GALNTL6: variants seen among roughly 807,000 people sequenced by gnomAD.
The protein encoded by GALNTL6 is polypeptide N-acetylgalactosaminyltransferase-like 6.
GALNTL6 carries 46 observed loss-of-function variants against 73.7 expected under a neutral mutation model. That is an observed-to-expected ratio of 0.62 (90% CI 0.49 to 0.80). The LOEUF (loss-of-function observed/expected upper bound fraction) is 0.80, where lower values mean the gene tolerates loss of function less well. Among genes scored for constraint, GALNTL6 ranks in the 30% least tolerant of loss-of-function variants. The pLI is 0.00. For synonymous variants in GALNTL6, 259 were observed against 263.7 expected, an observed-to-expected ratio of 0.98 and a Z score of 0.17; for missense variants, 604 against 755.0, an observed-to-expected ratio of 0.80 and a Z score of 2.34.
intron 5 of GALNTL6, among the ~76,000 whole-genome samples, chr4:172,389,503 A>C (rs1018761832): frequency 9.9e-5 from 15 of 152,220 alleles, no homozygotes; most frequent in African/African-American, 3.6e-4. Context: ...ATGTAAATAA[A>C]AGTTAAGTTG....
intron 2 of GALNTL6, among the ~76,000 whole-genome samples, chr4:171,915,534 T>G (rs1428941860): frequency 6.6e-6 from 1 of 152,076 alleles, no homozygotes; most frequent in Non-Finnish European, 1.5e-5. Context: ...ATCATCACAA[T>G]GAAAACTGAA....
chr4:171,822,756 C>T (rs567252119), intron 2 of GALNTL6, among the ~76,000 whole-genome samples: 1 of 152,200 alleles, frequency 6.6e-6, no homozygotes, highest in South Asian at 2.1e-4. Context: ...AACCATAAAC[C>T]TGTTTTCAAT....
intron 4 of GALNTL6, among the ~76,000 whole-genome samples, chr4:172,333,386 C>T (rs115375048): frequency 1.9e-3 from 282 of 151,976 alleles, no homozygotes; most frequent in African/African-American, 6.6e-3. Context: ...GCCTAGGCGA[C>T]AAAAGTGAAA....
chr4:172,062,234 A>G (rs11132925), intron 2 of GALNTL6, among the ~76,000 whole-genome samples: 56,174 of 151,956 alleles, frequency 0.37, 11,576 homozygotes, highest in Non-Finnish European at 0.46. Context: ...GATTACAGGC[A>G]TAAGCCACTA....
At chr4:172,097,030 C>G (rs562817901) in intron 2 of GALNTL6, among the ~76,000 whole-genome samples, 1 of 152,166 alleles carries the variant, frequency 6.6e-6, no homozygotes, top group Non-Finnish European at 1.5e-5. Flanking sequence ...CTGTTTTTTG[C>G]TCTGTATGTA....
intron 7 of GALNTL6, among the ~76,000 whole-genome samples, chr4:172,879,715 A>G (rs1745360871): frequency 6.6e-6 from 1 of 151,960 alleles, no homozygotes; most frequent in Non-Finnish European, 1.5e-5. Flanking sequence ...AATAACCAGG[A>G]AAGAAGAGCA....
chr4:172,328,047 G>A (rs908815020), intron 4 of GALNTL6, among the ~76,000 whole-genome samples: 1 of 151,880 alleles, frequency 6.6e-6, no homozygotes, highest in Non-Finnish European at 1.5e-5. Flanking sequence ...CATATTTAGT[G>A]CTCTTTTCAG....
chr4:171,899,277 G>A (rs897317614), intron 2 of GALNTL6, among the ~76,000 whole-genome samples: 6 of 151,984 alleles, frequency 3.9e-5, no homozygotes, highest in Non-Finnish European at 7.4e-5. Context: ...CTAATGACTA[G>A]TAGCGTTTAA....
At chr4:172,206,808 T>TG (rs200247012) in intron 2 of GALNTL6, among the ~76,000 whole-genome samples, 8,198 of 37,164 alleles carry the variant, frequency 0.22, 947 homozygotes, top group African/African-American at 0.26. Flanking sequence ...TTTTTCTGTT[T>TG]TTTTTGTTTG....
intron 5 of GALNTL6, among the ~76,000 whole-genome samples, chr4:172,561,216 G>A (rs1736348428): frequency 7.5e-6 from 1 of 133,786 alleles, no homozygotes; most frequent in Admixed American, 9.2e-5. Context: ...TTGCGCCACT[G>A]CAGTCCGCAG....
intron 2 of GALNTL6, among the ~76,000 whole-genome samples, chr4:171,991,241 G>A (rs1740323642): frequency 6.6e-6 from 1 of 152,132 alleles, no homozygotes. Flanking sequence ...ATTAGTGAAG[G>A]TTTTACAGAA....
chr4:172,908,918 T>G (rs1332326043), intron 8 of GALNTL6, among the ~76,000 whole-genome samples: 1 of 151,882 alleles, frequency 6.6e-6, no homozygotes, highest in Non-Finnish European at 1.5e-5. Context: ...AGCTAAGTGC[T>G]TCTAGTTCAT....
intron 2 of GALNTL6, among the ~76,000 whole-genome samples, chr4:172,046,824 CTT>C (rs1197230308): frequency 3.3e-5 from 5 of 152,178 alleles, no homozygotes; most frequent in African/African-American, 9.6e-5. Context: ...TAGATTGTCT[CTT>C]TACTCTGTTA....
At chr4:172,111,804 G>A (rs1334697992) in intron 2 of GALNTL6, among the ~76,000 whole-genome samples, 2 of 151,930 alleles carry the variant, frequency 1.3e-5, no homozygotes, top group Admixed American at 6.6e-5. Flanking sequence ...TGAGTAGAAG[G>A]CACAGAGATT....
chr4:172,483,912 G>A (rs535884418), intron 5 of GALNTL6, among the ~76,000 whole-genome samples: 1 of 152,280 alleles, frequency 6.6e-6, no homozygotes, highest in South Asian at 2.1e-4. Flanking sequence ...AATGTAAGGG[G>A]CAGCAGAATT....
At chr4:172,405,437 ATATATATTTTTTTTTTTTTTT>A (rs1276085091) in intron 5 of GALNTL6, among the ~76,000 whole-genome samples, 4 of 2,836 alleles carry the variant, frequency 1.4e-3, no homozygotes, top group East Asian at 0.028. Flanking sequence ...ATATATATAT[ATATATATTTTTTTTTTTTTTT>A]TTTTTTTTCT....
At chr4:171,978,831 TAG>T (rs1482753208) in intron 2 of GALNTL6, among the ~76,000 whole-genome samples, 1 of 151,996 alleles carries the variant, frequency 6.6e-6, no homozygotes, top group Non-Finnish European at 1.5e-5. Flanking sequence ...CTTCTTGGCT[TAG>T]GAAACAATTT....
chr4:172,742,938 G>A (rs4100737), intron 5 of GALNTL6, among the ~76,000 whole-genome samples: 54,503 of 151,796 alleles, frequency 0.36, 10,831 homozygotes, highest in African/African-American at 0.52. Context: ...CTTAATGATC[G>A]ATAGCTGTTA....
chr4:172,430,990 G>A (rs1731428876), intron 5 of GALNTL6, among the ~76,000 whole-genome samples: 1 of 152,098 alleles, frequency 6.6e-6, no homozygotes, highest in African/African-American at 2.4e-5. Context: ...GAAGCATACA[G>A]GCATCATCAG....
Sources: allele counts gnomAD v4.1 joint callset (sites outside exome capture counted in the v4.1 genomes callset), GRCh38; gene constraint gnomAD v4.1.1; transcripts MANE v1.5; gene names NCBI Gene and HGNC (gene_info 2026-07-23, HGNC 2026-07-21).